Variants in REV3L observed in about 807,000 individuals in gnomAD.
REV3L encodes the protein REV3 like, DNA directed polymerase zeta catalytic subunit.
Under a neutral mutation model 299.4 loss-of-function variants are expected in REV3L, and 69 were observed. That is an observed-to-expected ratio of 0.23 (90% CI 0.19 to 0.28). REV3L has a LOEUF of 0.28. Ranked by LOEUF, REV3L falls within the 10% of genes least tolerant of loss-of-function variation. The probability of loss-of-function intolerance (pLI) is 1.00; values close to 1 mark genes in which losing one functional copy is unlikely to be tolerated. For synonymous variants in REV3L, 1,238 were observed against 1,271.4 expected, an observed-to-expected ratio of 0.97 and a Z score of 0.56; for missense variants, 3,128 against 3,693.8, an observed-to-expected ratio of 0.85 and a Z score of 3.97.
intron 1 of REV3L, among the ~76,000 whole-genome samples, chr6:111,455,590 C>G (rs921223603): frequency 6.6e-6 from 1 of 151,908 alleles, no homozygotes; most frequent in African/African-American, 2.4e-5. Flanking sequence ...AACTGGGAGG[C>G]TATTATGATG....
chr6:111,417,519 A>G (rs1483745283), intron 1 of REV3L, among the ~76,000 whole-genome samples: 1 of 152,130 alleles, frequency 6.6e-6, no homozygotes, highest in Non-Finnish European at 1.5e-5. Flanking sequence ...TGCCAACACA[A>G]GCCTCAGGCT....
intron 2 of REV3L, chr6:111,411,982 T>C: frequency 1.0e-6 from 1 of 985,408 alleles, no homozygotes; most frequent in Non-Finnish European, 1.2e-6. Context: ...CGCCTTCTTC[T>C]GGCTCCCATT....
intron 25 of REV3L, among the ~76,000 whole-genome samples, chr6:111,323,808 A>G (rs1774454746): frequency 6.6e-6 from 1 of 152,056 alleles, no homozygotes; most frequent in Admixed American, 6.6e-5. Context: ...TTTTTTTGTT[A>G]AGAAGCAAAC....
chr6:111,366,365 T>TGTA (rs1779211850), intron 14 of REV3L, among the ~76,000 whole-genome samples: 1 of 152,300 alleles, frequency 6.6e-6, no homozygotes, highest in South Asian at 2.1e-4. Flanking sequence ...GCGAGTTATC[T>TGTA]GTAGTAATCC....
chr6:111,392,656 CCTTTT>C (rs1782054485), intron 5 of REV3L: 1 of 371,622 alleles, frequency 2.7e-6, no homozygotes, highest in South Asian at 6.5e-5. Flanking sequence ...ACCTTGTATT[CCTTTT>C]GTTAATTAGG....
chr6:111,364,584 A>C (rs1474709052), intron 15 of REV3L, among the ~76,000 whole-genome samples: 3 of 152,062 alleles, frequency 2.0e-5, no homozygotes, highest in Non-Finnish European at 4.4e-5. Context: ...GTAATTCAAC[A>C]GTATTTTATA....
intron 1 of REV3L, among the ~76,000 whole-genome samples, chr6:111,478,421 G>A (rs796932774): frequency 7.9e-5 from 12 of 152,176 alleles, no homozygotes; most frequent in African/African-American, 2.6e-4. Flanking sequence ...TGTTTGTGAT[G>A]AGTCATTACA....
chr6:111,442,914 T>C (rs1190604359), intron 1 of REV3L, among the ~76,000 whole-genome samples: 1 of 152,216 alleles, frequency 6.6e-6, no homozygotes, highest in Non-Finnish European at 1.5e-5. Context: ...TGTGTGTGTG[T>C]CCTGTTTAGG....
chr6:111,305,408 T>C (rs1004699831), intron 31 of REV3L, among the ~76,000 whole-genome samples: 20 of 151,538 alleles, frequency 1.3e-4, no homozygotes, highest in African/African-American at 7.3e-5. Context: ...CTGGGCAACA[T>C]AGTGAGACCC....
intron 13 of REV3L, among the ~76,000 whole-genome samples, chr6:111,371,168 T>C (rs1014974865): frequency 1.3e-5 from 2 of 152,184 alleles, no homozygotes; most frequent in Non-Finnish European, 2.9e-5. Context: ...TGGTTAAGTA[T>C]ATGAGATCAT....
At chr6:111,410,163 C>T (rs757588958) in intron 3 of REV3L, among the ~76,000 whole-genome samples, 2 of 152,088 alleles carry the variant, frequency 1.3e-5, no homozygotes, top group Non-Finnish European at 2.9e-5. Flanking sequence ...TATGACTGCA[C>T]CATTGCGTAC....
At chr6:111,474,519 T>C (rs747893149) in intron 1 of REV3L, among the ~76,000 whole-genome samples, 57 of 152,220 alleles carry the variant, frequency 3.7e-4, no homozygotes, top group Non-Finnish European at 6.0e-4. Context: ...CCTCATTTAA[T>C]GCACTTAAAA....
At chr6:111,360,409 T>C (rs1052018429) in intron 16 of REV3L, among the ~76,000 whole-genome samples, 1 of 152,028 alleles carries the variant, frequency 6.6e-6, no homozygotes, top group African/African-American at 2.4e-5. Context: ...TTTTTTGTCC[T>C]GATTGAGTAT....
Position 111,443,731 on chromosome 6 carries a change from A to G in REV3L, c.140-27259T>C, listed in dbSNP as rs186979853. Among the ~76,000 whole-genome samples the G allele has an allele frequency of 2.0e-5, 3 of 152,282 alleles. No homozygotes were observed. The East Asian group carries it at 5.8e-4, about 29-fold the overall frequency. On this transcript the variant is annotated intron_variant, in intron 1 of 31. Coordinates refer to ENST00000368802, the MANE Select transcript of REV3L (RefSeq NM_001372078.1). Reference sequence around the variant, plus strand: ...GCAAACTTTGGTAGTTGCTTAATTTATGGTTTTCAGTAGCTATCCTTTCAC... The same window carrying G: ...GCAAACTTTGGTAGTTGCTTAATTTGTGGTTTTCAGTAGCTATCCTTTCAC...
chr6:111,465,979 T>A (rs952451890), intron 1 of REV3L, among the ~76,000 whole-genome samples: 3 of 152,174 alleles, frequency 2.0e-5, no homozygotes, highest in African/African-American at 7.2e-5. Context: ...TCAAATGCCA[T>A]CTATGAACTA....
intron 20 of REV3L, 162 bp downstream of exon 20, chr6:111,349,056 G>A: frequency 2.1e-6 from 1 of 482,598 alleles, no homozygotes; most frequent in Non-Finnish European, 3.6e-6. Context: ...TACCTCTGTA[G>A]TTTTGCATTT....
At chr6:111,331,541 T>C (rs1374213897) in intron 24 of REV3L, 135 bp downstream of exon 24, 2 of 530,896 alleles carry the variant, frequency 3.8e-6, no homozygotes, top group Non-Finnish European at 6.5e-6. Flanking sequence ...CTCATATCTT[T>C]GACTTTTTGA....
At chr6:111,349,891 A>C (rs1212694150) in intron 19 of REV3L, among the ~76,000 whole-genome samples, 7 of 152,230 alleles carry the variant, frequency 4.6e-5, no homozygotes, top group Non-Finnish European at 1.5e-5. Context: ...TCTTGAATGC[A>C]TATGGAGAAC....
intron 1 of REV3L, chr6:111,430,269 T>G: frequency 3.1e-6 from 3 of 970,156 alleles, no homozygotes; most frequent in Non-Finnish European, 5.0e-6. Flanking sequence ...GCGAGACAAT[T>G]GCAGAGAAAA....
Sources: allele counts gnomAD v4.1 joint callset (sites outside exome capture counted in the v4.1 genomes callset), GRCh38; gene constraint gnomAD v4.1.1; transcripts MANE v1.5; gene names NCBI Gene and HGNC (gene_info 2026-07-23, HGNC 2026-07-21).